Variants in ABCC4 observed in about 807,000 individuals in gnomAD.
ABCC4 encodes ATP binding cassette subfamily C member 4 (PEL blood group).
A neutral mutation model predicts 168.5 loss-of-function variants in ABCC4; 102 were observed. That is an observed-to-expected ratio of 0.61 (90% confidence interval 0.52 to 0.71). The LOEUF (loss-of-function observed/expected upper bound fraction) is 0.71. ABCC4 is among the 30% of genes least tolerant of loss of function. The probability of loss-of-function intolerance (pLI) is 0.00; values close to 1 mark genes in which losing one functional copy is unlikely to be tolerated. For synonymous variants in ABCC4, 617 were observed against 590.7 expected, an observed-to-expected ratio of 1.04 and a Z score of -0.65; for missense variants, 1,402 against 1,605.8, an observed-to-expected ratio of 0.87 and a Z score of 2.17.
At chr13:95,228,206 G>T (rs68113241) in intron 4 of ABCC4, among the ~76,000 whole-genome samples, 26,788 of 152,142 alleles carry the variant, frequency 0.18, 2,469 homozygotes, top group Non-Finnish European at 0.2. Context: ...AGGGAGACGG[G>T]GTGGGAAGAC....
chr13:95,034,992 TC>T (rs1300660655), intron 29 of ABCC4, among the ~76,000 whole-genome samples: 1 of 152,200 alleles, frequency 6.6e-6, no homozygotes, highest in African/African-American at 2.4e-5. Context: ...CACTCAGCAG[TC>T]CTGTGGCATT....
intron 25 of ABCC4, among the ~76,000 whole-genome samples, chr13:95,064,642 C>T (rs928485221): frequency 6.6e-6 from 1 of 151,860 alleles, no homozygotes; most frequent in African/African-American, 2.4e-5. Context: ...GGAAACTGAT[C>T]CATCTGTGCA....
At chr13:95,145,718 C>T (rs1489857108) in intron 19 of ABCC4, among the ~76,000 whole-genome samples, 1 of 151,892 alleles carries the variant, frequency 6.6e-6, no homozygotes. Context: ...TCAATGGTGG[C>T]CTGGATAAAG....
intron 17 of ABCC4, among the ~76,000 whole-genome samples, 186 bp downstream of exon 17, chr13:95,163,424 G>A (rs1015583453): frequency 5.9e-5 from 9 of 152,012 alleles, no homozygotes; most frequent in South Asian, 2.1e-4. Flanking sequence ...ATGATGCCGC[G>A]GATCAGACAT....
intron 13 of ABCC4, among the ~76,000 whole-genome samples, chr13:95,175,515 G>A (rs142152933): frequency 6.2e-4 from 94 of 152,214 alleles, no homozygotes; most frequent in African/African-American, 2.2e-3. Flanking sequence ...GTTTCACAAC[G>A]TTGGCCAGGC....
In ABCC4 at chr13:95,118,120, A is replaced by C. The variant is rs570387054; in HGVS notation, c.2456-2119T>G. Among the ~76,000 whole-genome samples the C allele has an allele frequency of 2.6e-5, 4 of 152,346 alleles. No individual in the cohort carries two copies. The South Asian group carries it at 8.3e-4, about 32-fold the overall frequency. ...CGCCAATAACTGAACTGAATGTCAAAGATCAGCTGAAATCAAAACTCTTAT... is the reference window on the plus strand; with the variant it reads ...CGCCAATAACTGAACTGAATGTCAACGATCAGCTGAAATCAAAACTCTTAT... On this transcript the variant is annotated intron_variant, in intron 19 of 30. Coordinates refer to ENST00000645237, the MANE Select transcript of ABCC4 (RefSeq NM_005845.5).
At chr13:95,140,535 C>A (rs2036286340) in intron 19 of ABCC4, among the ~76,000 whole-genome samples, 1 of 152,014 alleles carries the variant, frequency 6.6e-6, no homozygotes, top group African/African-American at 2.4e-5. Flanking sequence ...GCACAAAAAT[C>A]TGGGAACTAA....
At chr13:95,142,445 G>T (rs750369497) in intron 19 of ABCC4, among the ~76,000 whole-genome samples, 1 of 152,140 alleles carries the variant, frequency 6.6e-6, no homozygotes, top group Admixed American at 6.5e-5. Context: ...GGTTGGAAAG[G>T]GGGTGAAGGA....
rs970315724 is a variant in ABCC4, at chr13:95,024,073, G to A, written c.3871-2391C>T. 2.0e-5 allele frequency among the ~76,000 whole-genome samples: 3 copies of A among 151,978 alleles called. No homozygotes were observed. The East Asian group carries it at 5.8e-4, about 29-fold the overall frequency. On this transcript the variant is annotated intron_variant, in intron 30 of 30. Transcript: ENST00000645237. ...AATACAAAAATTAGCCAGGCATGGT[G>A]GTGCACGCTTGTAGTCCCAGCTACT...
intron 20 of ABCC4, among the ~76,000 whole-genome samples, chr13:95,104,950 A>T (rs1268325237): frequency 6.6e-6 from 1 of 152,138 alleles, no homozygotes; most frequent in African/African-American, 2.4e-5. Flanking sequence ...ATGGCGATGG[A>T]GGTAGTTTCA....
At chr13:95,225,486 A>G (rs981436062) in intron 4 of ABCC4, among the ~76,000 whole-genome samples, 37 of 152,132 alleles carry the variant, frequency 2.4e-4, no homozygotes, top group African/African-American at 8.9e-4. Context: ...CCTGGCCAAC[A>G]TGGTAAAATC....
intron 4 of ABCC4, among the ~76,000 whole-genome samples, chr13:95,219,407 G>A (rs2039248499): frequency 6.6e-6 from 1 of 152,104 alleles, no homozygotes; most frequent in Non-Finnish European, 1.5e-5. Context: ...ACATACATGG[G>A]GACAAATACA....
chr13:95,262,231 A>G (rs778641455), intron 1 of ABCC4, among the ~76,000 whole-genome samples: 3 of 152,200 alleles, frequency 2.0e-5, no homozygotes, highest in Non-Finnish European at 2.9e-5. Context: ...GGTGACAAAC[A>G]AGAGGACTGA....
chr13:95,143,957 G>A (rs1203944274), intron 19 of ABCC4, among the ~76,000 whole-genome samples: 1 of 152,112 alleles, frequency 6.6e-6, no homozygotes, highest in African/African-American at 2.4e-5. Context: ...TGTAACAGCT[G>A]AGTAAACATT....
intron 19 of ABCC4, among the ~76,000 whole-genome samples, chr13:95,144,240 G>A (rs2036413321): frequency 1.1e-5 from 1 of 89,256 alleles, no homozygotes; most frequent in Non-Finnish European, 2.2e-5. Flanking sequence ...CTGAGGGGGT[G>A]AAGCATGATG....
intron 1 of ABCC4, among the ~76,000 whole-genome samples, chr13:95,275,454 T>C (rs1205504156): frequency 6.6e-6 from 1 of 152,188 alleles, no homozygotes; most frequent in Non-Finnish European, 1.5e-5. Context: ...CACAAAGCCC[T>C]TGTGGCTCTG....
At chr13:95,231,930 C>T (rs565473854) in intron 4 of ABCC4, among the ~76,000 whole-genome samples, 1 of 152,204 alleles carries the variant, frequency 6.6e-6, no homozygotes, top group South Asian at 2.1e-4. Flanking sequence ...TACCTCAAAC[C>T]GGACTTCATG....
Position 95,194,856 on chromosome 13 carries a change from A to G in ABCC4, c.1243T>C (p.Phe415Leu). 2 of 1,614,092 alleles carry G rather than the reference A, an allele frequency of 1.2e-6. No individual in the cohort carries two copies. Among genetic ancestry groups the G allele is most frequent in the Non-Finnish European group, 1.7e-6 (2 of 1,180,000 alleles). Residue 415 changes from phenylalanine to leucine, a missense_variant, in exon 9 of 31, where the codon TTT becomes CTT. Phe to Leu is a conservative substitution (Grantham distance 22, BLOSUM62 0). Coordinates refer to ENST00000645237, the MANE Select transcript of ABCC4 (RefSeq NM_005845.5). ...DGKKMVHVQD[F>L]TAFWDKASET... ...GTTACCTTATCCCAAAAAGCAGTAA[A>G]ATCCTGCACATGCACCATCTTTTTA...
At chr13:95,032,256 A>G (rs1462207866) in intron 30 of ABCC4, among the ~76,000 whole-genome samples, 1 of 152,206 alleles carries the variant, frequency 6.6e-6, no homozygotes, top group Non-Finnish European at 1.5e-5. Context: ...CTATGAGATC[A>G]TGGGCAATTT....
Sources: gnomAD v4.1 joint callset for allele counts (sites outside exome capture counted in the v4.1 genomes callset) on GRCh38, gnomAD v4.1.1 for gene constraint, MANE v1.5 for transcripts, NCBI Gene and HGNC (gene_info 2026-07-23, HGNC 2026-07-21) for gene names.